Variants in KLF12 observed in about 807,000 individuals in gnomAD.
KLF12 encodes Krueppel-like factor 12.
Under a neutral mutation model 37.8 loss-of-function variants are expected in KLF12, and 9 were observed. The observed-to-expected ratio is 0.24, with a 90% CI of 0.14 to 0.42. The LOEUF (loss-of-function observed/expected upper bound fraction) is 0.42. Ranked by LOEUF, KLF12 falls within the 10% of genes least tolerant of loss-of-function variation. KLF12 has a pLI of 1.00. For synonymous variants in KLF12, 208 were observed against 202.1 expected, an observed-to-expected ratio of 1.03 and a Z score of -0.25; for missense variants, 411 against 516.0, an observed-to-expected ratio of 0.80 and a Z score of 1.97.
chr13:73,794,359 G>A (rs575342710), intron 5 of KLF12, among the ~76,000 whole-genome samples: 7 of 152,210 alleles, frequency 4.6e-5, no homozygotes, highest in Non-Finnish European at 8.8e-5. Flanking sequence ...TACTCAGGAG[G>A]CTGAGGTATG....
intron 4 of KLF12, among the ~76,000 whole-genome samples, chr13:73,825,461 G>GT (rs1883785366): frequency 6.6e-6 from 1 of 152,170 alleles, no homozygotes; most frequent in Non-Finnish European, 1.5e-5. Flanking sequence ...AGCATAGGAG[G>GT]TACACACTAG....
At chr13:73,874,946 T>C (rs1335890970) in intron 3 of KLF12, among the ~76,000 whole-genome samples, 1 of 152,154 alleles carries the variant, frequency 6.6e-6, no homozygotes. Context: ...CTAAAGACCA[T>C]ATTTTAAATA....
At chr13:73,833,192 T>C (rs1307232208) in intron 4 of KLF12, among the ~76,000 whole-genome samples, 1 of 152,200 alleles carries the variant, frequency 6.6e-6, no homozygotes, top group African/African-American at 2.4e-5. Context: ...GTTATCCTAG[T>C]TTCACAGGTA....
chr13:73,802,335 A>G (rs905735082), intron 5 of KLF12: 1 of 152,168 alleles, frequency 6.6e-6, no homozygotes, highest in Non-Finnish European at 1.5e-5. Context: ...TATTAGTCAT[A>G]TATTAAAACT....
chr13:73,798,198 G>A (rs2138322976), intron 5 of KLF12, among the ~76,000 whole-genome samples: 1 of 152,242 alleles, frequency 6.6e-6, no homozygotes, highest in Non-Finnish European at 1.5e-5. Flanking sequence ...GAATGGTGCT[G>A]GGAAAACTGG....
At chr13:74,279,668 A>G in the KLF12 span, among the ~76,000 whole-genome samples, 1 of 152,322 alleles carries the variant, frequency 6.6e-6, no homozygotes, top group East Asian at 1.9e-4. Flanking sequence ...ATGGTAAAAC[A>G]CATGTCAGTT....
Position 74,082,163 on chromosome 13 carries a change from TA to T in KLF12, c.-32+51575del, listed in dbSNP as rs57156299. Among the ~76,000 whole-genome samples, 759 of 114,746 alleles carry T rather than the reference TA, an allele frequency of 6.6e-3. 6 individuals are homozygous for T. The highest frequency in any genetic ancestry group is 8.7e-3 in the Non-Finnish European group (516 of 59,172). 75.3% of individuals were successfully genotyped at this position (114,746 alleles called of 152,430 possible). Reference sequence around the variant, plus strand: ...GGCAACATAGCAAGACCCTGTCTCTTAAAAAAAAAAAAAAACAAAGTTAGCC... The same window carrying T: ...GGCAACATAGCAAGACCCTGTCTCTTAAAAAAAAAAAAAACAAAGTTAGCC... On this transcript the variant is annotated intron_variant, in intron 1 of 7. Coordinates refer to ENST00000377669, the MANE Select transcript of KLF12 (RefSeq NM_007249.5).
intron 4 of KLF12, among the ~76,000 whole-genome samples, chr13:73,817,895 T>C (rs1883319745): frequency 6.6e-6 from 1 of 152,278 alleles, no homozygotes; most frequent in African/African-American, 2.4e-5. Flanking sequence ...CCAATTAAGA[T>C]GTGCAAAATT....
chr13:73,983,297 A>G (rs1244454060), intron 2 of KLF12, among the ~76,000 whole-genome samples: 1 of 152,206 alleles, frequency 6.6e-6, no homozygotes, highest in Non-Finnish European at 1.5e-5. Flanking sequence ...CCTGCTGTAC[A>G]GAAGCTGCCC....
At chr13:74,085,379 A>C (rs965681206) in intron 1 of KLF12, among the ~76,000 whole-genome samples, 5 of 152,196 alleles carry the variant, frequency 3.3e-5, no homozygotes, top group African/African-American at 1.2e-4. Flanking sequence ...CTAACACAAG[A>C]AAGACGTAGC....
At chr13:73,943,862 G>C (rs1890300567) in intron 3 of KLF12, 119 bp downstream of exon 3, 2 of 666,606 alleles carry the variant, frequency 3.0e-6, no homozygotes, top group Non-Finnish European at 5.2e-6. Context: ...GTTTTAACCT[G>C]AGAGAGAAAA....
At chr13:74,287,123 CTG>C in the KLF12 span, among the ~76,000 whole-genome samples, 11 of 152,228 alleles carry the variant, frequency 7.2e-5, no homozygotes, top group Admixed American at 7.2e-4. Flanking sequence ...CCTCGGCTCA[CTG>C]CTGCAGGCTT....
intron 3 of KLF12, among the ~76,000 whole-genome samples, chr13:73,868,012 C>T (rs183013116): frequency 1.3e-4 from 19 of 144,444 alleles, no homozygotes; most frequent in African/African-American, 4.9e-4. Flanking sequence ...CAAACAAGAG[C>T]GAAACTCCTT....
At chr13:73,869,380 G>A (rs1886351146) in intron 3 of KLF12, among the ~76,000 whole-genome samples, 1 of 152,010 alleles carries the variant, frequency 6.6e-6, no homozygotes, top group African/African-American at 2.4e-5. Context: ...TACATTTGTT[G>A]TGATTTCTTC....
chr13:74,260,654 T>C, the KLF12 span, among the ~76,000 whole-genome samples: 1 of 149,800 alleles, frequency 6.7e-6, no homozygotes, highest in Non-Finnish European at 1.5e-5. Context: ...GGAGAGGTAC[T>C]AAGTAATAAA....
chr13:74,259,851 T>G, the KLF12 span: 4 of 152,196 alleles, frequency 2.6e-5, no homozygotes, highest in South Asian at 2.1e-4. Flanking sequence ...TCAAAGGCTG[T>G]GGGGCCCGAT....
the KLF12 span, among the ~76,000 whole-genome samples, chr13:74,286,806 A>G: frequency 6.6e-6 from 1 of 152,172 alleles, no homozygotes; most frequent in Non-Finnish European, 1.5e-5. Context: ...GGCTTTGCAC[A>G]TGTATTTTCT....
the KLF12 span, among the ~76,000 whole-genome samples, chr13:74,185,115 C>G: frequency 6.6e-6 from 1 of 152,154 alleles, no homozygotes; most frequent in Admixed American, 6.5e-5. Flanking sequence ...CTATTCTAGT[C>G]TTGGTCCAGC....
At chr13:73,919,526 T>A (rs758203354) in intron 3 of KLF12, among the ~76,000 whole-genome samples, 67 of 152,160 alleles carry the variant, frequency 4.4e-4, no homozygotes, top group Non-Finnish European at 5.7e-4. Flanking sequence ...TAATTTTTTT[T>A]AAAAAAAGGT....
Sources: gnomAD v4.1 joint callset for allele counts (sites outside exome capture counted in the v4.1 genomes callset) on GRCh38, gnomAD v4.1.1 for gene constraint, MANE v1.5 for transcripts, NCBI Gene and HGNC (gene_info 2026-07-23, HGNC 2026-07-21) for gene names.